Variants in NCAPG observed in about 807,000 individuals in gnomAD.
NCAPG encodes condensin complex subunit 3.
In NCAPG, 69 loss-of-function variants were observed where a neutral mutation model predicts 113.1. The ratio of observed to expected loss-of-function variants is 0.61; its 90% confidence interval spans 0.50 to 0.75. The LOEUF is 0.75. NCAPG is among the 30% of genes least tolerant of loss of function. NCAPG has a pLI of 0.00. For missense variants in NCAPG, 1,058 were observed against 1,177.0 expected (o/e 0.90, Z 1.48); for synonymous variants, 370 against 415.8 (o/e 0.89, Z 1.34).
rs1183659964 is a variant in NCAPG, at chr4:17,823,050, A to G, written c.1186A>G (p.Met396Val). The G allele has an allele frequency of 6.2e-7, 1 of 1,609,638 alleles. No individual in the cohort carries two copies. The highest frequency in any genetic ancestry group is 8.5e-7 in the Non-Finnish European group (1 of 1,177,890). The change falls in exon 8 of 21, where the codon ATG becomes GTG. Residue 396 changes from methionine (M) to valine (V), a missense_variant. Coordinates refer to ENST00000251496, the MANE Select transcript of NCAPG (RefSeq NM_022346.5). ...RGDFSYIGNL[M>V]TKEFIGQQLI... The stretch of plus-strand genomic sequence containing the variant: ...TGATTTTTCCTATATTGGAAATTTG[A>G]TGACAAAAGAATTCATAGGTCAACA...
intron 3 of NCAPG, among the ~76,000 whole-genome samples, chr4:17,814,329 G>C (rs1223528376): frequency 6.6e-6 from 1 of 152,050 alleles, no homozygotes; most frequent in Non-Finnish European, 1.5e-5. Context: ...GGTGGCCTGC[G>C]CAGCAGTGAC....
In NCAPG at chr4:17,843,303, G is replaced by T; in HGVS notation, c.2926G>T (p.Asp976Tyr). 1 of 1,611,030 alleles carries T rather than the reference G, an allele frequency of 6.2e-7. No individual in the cohort carries two copies. Among genetic ancestry groups the T allele is most frequent in the South Asian group, 1.1e-5 (1 of 90,870 alleles). Residue 976 changes from aspartate (D) to tyrosine (Y), a missense_variant and splice_region_variant, in exon 21 of 21, where the codon GAT becomes TAT. Transcript: ENST00000251496. ...CGTGTATTTTCAACATCTATTTAGTGATCATGAAGTTCCAGAACCAGAATC... is the reference window on the plus strand; with the variant it reads ...CGTGTATTTTCAACATCTATTTAGTTATCATGAAGTTCCAGAACCAGAATC... The part of the protein sequence containing the change: ...CQTAEADSES[D>Y]HEVPEPESEM...
In NCAPG at chr4:17,830,553, C is replaced by CT. The variant is rs770223582; in HGVS notation, c.1765-428dup. ...GTTAAATATATTAAGACTAGTTTCACTTTTTTTTTTTTTTTTACTTCAATG... is the reference window on the plus strand; with the variant it reads ...GTTAAATATATTAAGACTAGTTTCACTTTTTTTTTTTTTTTTTACTTCAATG... On this transcript the variant is annotated intron_variant, in intron 12 of 20. Transcript: ENST00000251496. Among the ~76,000 whole-genome samples, 630 of 137,286 alleles carry CT rather than the reference C, an allele frequency of 4.6e-3. 4 individuals are homozygous for CT. Among genetic ancestry groups the CT allele is most frequent in the East Asian group, 0.045 (215 of 4,788 alleles). The allele number at this position is 137,286 out of a possible 152,430, so 90.1% of individuals were successfully genotyped here.
intron 7 of NCAPG, among the ~76,000 whole-genome samples, chr4:17,818,575 A>G (rs971710976): frequency 2.6e-5 from 4 of 152,220 alleles, no homozygotes; most frequent in African/African-American, 7.2e-5. Flanking sequence ...TTAACAAAAT[A>G]AGAAATTTTA....
intron 11 of NCAPG, among the ~76,000 whole-genome samples, chr4:17,827,148 C>A (rs1721685036): frequency 6.6e-6 from 1 of 152,124 alleles, no homozygotes; most frequent in Admixed American, 6.5e-5. Context: ...TTAAAGAATG[C>A]CTATTATGTT....
At chr4:17,825,655 T>C in intron 11 of NCAPG, 94 bp downstream of exon 11, 6 of 1,154,218 alleles carry the variant, frequency 5.2e-6, no homozygotes, top group Non-Finnish European at 7.4e-6. Context: ...CCAAAATATA[T>C]TTACTTTGAG....
rs538963514 is a variant in NCAPG, at chr4:17,835,972, C to A, written c.2110-1187C>A. ...ATTTGTTTGAGTAGCTGTTTCAATT[C>A]TTTTGGGTATCTGTATACCTAGGAA... On this transcript the variant is annotated intron_variant, in intron 14 of 20. Transcript: ENST00000251496. Among the ~76,000 whole-genome samples, 4 of 152,058 alleles carry A rather than the reference C, an allele frequency of 2.6e-5. No individual in the cohort carries two copies. The East Asian group carries it at 7.7e-4, about 29-fold the overall frequency.
In NCAPG at chr4:17,831,358, G is replaced by T. The variant is rs138316898; in HGVS notation, c.1884+242G>T. 6.7e-3 allele frequency among the ~76,000 whole-genome samples: 1,022 copies of T among 152,246 alleles called. 15 individuals carry two copies. Among genetic ancestry groups the T allele is most frequent in the African/African-American group, 0.024 (984 of 41,536 alleles). ...CACATAGCAAATACTTATTGAGTGC[G>T]TATTATGTGCCAGCAACTGTTCTAG... On this transcript the variant is annotated intron_variant, in intron 13 of 20. Transcript: ENST00000251496.
chr4:17,823,745 T>C lies in NCAPG; in HGVS notation c.1358T>C (p.Ile453Thr). 2 of 1,595,952 alleles carry C rather than the reference T, an allele frequency of 1.3e-6. No individual in the cohort carries two copies. Among genetic ancestry groups the C allele is most frequent in the Non-Finnish European group, 1.7e-6 (2 of 1,165,594 alleles). The change falls in exon 9 of 21, where the codon ATA becomes ACA. Residue 453 changes from isoleucine (I) to threonine (T), a missense_variant. Transcript: ENST00000251496. The stretch of plus-strand genomic sequence containing the variant: ...GTTGAAAGACTACTCCACATCATTA[T>C]AGATGATAATAAGAGAACACAAATT... ...FLVERLLHII[I>T]DDNKRTQIVT...
chr4:17,814,359 A>C (rs1463482442), intron 3 of NCAPG, among the ~76,000 whole-genome samples: 1 of 152,174 alleles, frequency 6.6e-6, no homozygotes, highest in African/African-American at 2.4e-5. Context: ...TAATCTCAGC[A>C]CTTTGGCTCC....
intron 3 of NCAPG, among the ~76,000 whole-genome samples, chr4:17,814,030 G>A (rs1721099507): frequency 1.3e-5 from 2 of 151,974 alleles, no homozygotes; most frequent in African/African-American, 4.8e-5. Flanking sequence ...GATGTGAGAA[G>A]TACAGATAAA....
At chr4:17,837,866 CT>C in intron 16 of NCAPG, 65 bp downstream of exon 16, 1 of 1,562,864 alleles carries the variant, frequency 6.4e-7, no homozygotes, top group South Asian at 1.1e-5. Context: ...TCAAAGATCC[CT>C]TGAAATACTG....
chr4:17,811,158 G>A lies in NCAPG; in HGVS notation c.81G>A (p.Leu27=), dbSNP rs371796913. 3 of 1,514,744 alleles carry A rather than the reference G, an allele frequency of 2.0e-6. No homozygotes were observed. The highest frequency in any genetic ancestry group is 4.2e-5 in the Admixed American group (2 of 47,268). The allele number at this position is 1,514,744 out of a possible 1,614,324, so 93.8% of individuals were successfully genotyped here. A position where few individuals can be genotyped will look rare whatever the true frequency, so the allele number is the denominator to read the frequency against. ...AGCCGCACCAGAACCAGGCGAAGCTGGTGGTGGCGCTGAGCCGCACCTACC... is the reference window on the plus strand; with the variant it reads ...AGCCGCACCAGAACCAGGCGAAGCTAGTGGTGGCGCTGAGCCGCACCTACC... ...AQQPHQNQAK[L]VVALSRTYRT... is the part of the protein sequence containing the mutation. The change falls in exon 1 of 21, where the codon CTG becomes CTA. Residue 27 remains leucine (L), a synonymous_variant. Coordinates refer to ENST00000251496, the MANE Select transcript of NCAPG (RefSeq NM_022346.5). This position sits in a 1 kb window ranked among gnomAD's most constrained non-coding sequence, Gnocchi z 5.3.
rs59571753 is a variant in NCAPG, at chr4:17,828,516, A to AAT, written c.1764+140_1764+141dup. 720 of 467,106 alleles carry AAT rather than the reference A, an allele frequency of 1.5e-3. 5 individuals carry two copies. The highest frequency in any genetic ancestry group is 9.3e-3 in the African/African-American group (460 of 49,620). 28.9% of individuals were successfully genotyped at this position (467,106 alleles called of 1,614,324 possible). A position where few individuals can be genotyped will look rare whatever the true frequency, so the allele number is the denominator to read the frequency against. On this transcript the variant is annotated intron_variant, in intron 12 of 20. Transcript: ENST00000251496. Reference sequence around the variant, plus strand: ...AATATCTGATAAGTATAAATGATAAAATATATATATATAGCAGCTACTTCA... The same window carrying AAT: ...AATATCTGATAAGTATAAATGATAAAATATATATATATATAGCAGCTACTTCA...
intron 4 of NCAPG, 93 bp downstream of exon 4, chr4:17,815,091 A>G: frequency 6.6e-7 from 1 of 1,517,626 alleles, no homozygotes; most frequent in Admixed American, 1.9e-5. Context: ...GCATGTAATA[A>G]TTTCTTCAGT....
In NCAPG at chr4:17,837,321, G is replaced by T. The variant is rs371728981; in HGVS notation, c.2272G>T (p.Val758Leu). ...ACATTGCCTAGGCGTGTTCTTCCCC[G>T]TGTTTGCTTATGCAAGCAGGTATTG... ...LRHCLGVFFP[V>L]FAYASRTNQE... Residue 758 changes from valine (V) to leucine (L), a missense_variant, in exon 15 of 21, where the codon GTG becomes TTG. Val to Leu is a conservative substitution (Grantham distance 32). Coordinates refer to ENST00000251496, the MANE Select transcript of NCAPG (RefSeq NM_022346.5). 21 of 1,612,910 alleles carry T rather than the reference G, an allele frequency of 1.3e-5. No homozygotes were observed. The highest frequency in any genetic ancestry group is 1.8e-5 in the Non-Finnish European group (21 of 1,179,632).
At position 17,840,598 on chromosome 4, in the gene NCAPG, C is replaced by A; in HGVS notation, c.2768-9C>A. The A allele has an allele frequency of 7.0e-7, 1 of 1,419,186 alleles. No individual in the cohort carries two copies. The highest frequency in any genetic ancestry group is 1.6e-5 in the South Asian group (1 of 62,930). The allele number at this position is 1,419,186 out of a possible 1,614,324, so 87.9% of individuals were successfully genotyped here. A position where few individuals can be genotyped will look rare whatever the true frequency, so the allele number is the denominator to read the frequency against. On this transcript the variant is annotated splice_polypyrimidine_tract_variant and intron_variant, in intron 18 of 20. Transcript: ENST00000251496. ...CTTATTTATATTGTTGTATTATTCC[C>A]TTTAATAGAAAAGAATAAAGAAGTA...
chr4:17,831,166 G>T, intron 13 of NCAPG, 50 bp downstream of exon 13: 1 of 1,580,894 alleles, frequency 6.3e-7, no homozygotes, highest in Non-Finnish European at 8.6e-7. Context: ...GAAATACTCT[G>T]TGGCGATAAT....
At chr4:17,828,063 A>G (rs899171162) in intron 11 of NCAPG, among the ~76,000 whole-genome samples, 1 of 152,060 alleles carries the variant, frequency 6.6e-6, no homozygotes, top group Non-Finnish European at 1.5e-5. Context: ...GGCCCCCCAA[A>G]GTGCTAGGAT....
Sources: gnomAD v4.1 joint callset for allele counts (sites outside exome capture counted in the v4.1 genomes callset) on GRCh38, gnomAD v4.1.1 for gene constraint, Gnocchi (gnomAD v3.1) non-coding constraint, MANE v1.5 for transcripts, NCBI Gene and HGNC (gene_info 2026-07-23, HGNC 2026-07-21) for gene names.